The following SRGAP3 variants were observed in gnomAD, a reference collection of about 807,000 sequenced individuals.
The protein encoded by SRGAP3 is SLIT-ROBO Rho GTPase activating protein 3, also known as SLIT-ROBO Rho GTPase-activating protein 3.
In SRGAP3, 39 loss-of-function variants were observed where a neutral mutation model predicts 121.1. The ratio of observed to expected loss-of-function variants is 0.32; its 90% CI spans 0.25 to 0.42. The LOEUF (loss-of-function observed/expected upper bound fraction) is 0.42, where lower values mean the gene tolerates loss of function less well. SRGAP3 is among the 10% of genes least tolerant of loss of function. The probability of loss-of-function intolerance (pLI) is 1.00; values close to 1 mark genes in which losing one functional copy is unlikely to be tolerated. For missense variants in SRGAP3, 1,213 were observed against 1,470.6 expected (o/e 0.82, Z 2.86); for synonymous variants, 601 against 570.0 (o/e 1.05, Z -0.77).
chr3:8,981,398 G>C lies in SRGAP3; in HGVS notation c.*4121C>G. Reference sequence around the variant, plus strand: ...TTGTGAGCCAGCCACTCTTCTTTCTGGGTTTCTCAGGAGAGTGAGGCATTT... The same window carrying C: ...TTGTGAGCCAGCCACTCTTCTTTCTCGGTTTCTCAGGAGAGTGAGGCATTT... On this transcript the variant is annotated 3_prime_UTR_variant, in exon 22 of 22. Coordinates refer to ENST00000383836, the MANE Select transcript of SRGAP3 (RefSeq NM_014850.4). 1 of 232,770 alleles carries C rather than the reference G, an allele frequency of 4.3e-6. No homozygotes were observed. 14.4% of individuals were successfully genotyped at this position (232,770 alleles called of 1,614,324 possible).
At chr3:9,189,752 A>G (rs1156958716) in intron 1 of SRGAP3, among the ~76,000 whole-genome samples, 6 of 152,180 alleles carry the variant, frequency 3.9e-5, no homozygotes, top group Admixed American at 6.5e-5. Flanking sequence ...GTCATTCCTG[A>G]TTGAGTCCAC....
At chr3:9,136,663 T>A (rs1225798803) in intron 1 of SRGAP3, among the ~76,000 whole-genome samples, 1 of 152,156 alleles carries the variant, frequency 6.6e-6, no homozygotes, top group African/African-American at 2.4e-5. Flanking sequence ...GCAGTGGGTG[T>A]CCCGCCCTTT....
chr3:9,030,490 T>C (rs750448416), intron 12 of SRGAP3, among the ~76,000 whole-genome samples: 5 of 152,236 alleles, frequency 3.3e-5, no homozygotes, highest in Non-Finnish European at 7.3e-5. Context: ...GTAAAGGCCA[T>C]GCTCCAGGCT....
intron 14 of SRGAP3, among the ~76,000 whole-genome samples, chr3:9,018,590 A>G (rs916040780): frequency 6.6e-6 from 1 of 152,152 alleles, no homozygotes; most frequent in African/African-American, 2.4e-5. Context: ...ATTTGCATGA[A>G]ATGTATACTT....
chr3:9,319,467 G>C (rs1955405377), intron 3 of SRGAP3, among the ~76,000 whole-genome samples: 1 of 151,878 alleles, frequency 6.6e-6, no homozygotes, highest in South Asian at 2.1e-4. Flanking sequence ...ATGACAGCAA[G>C]GGCCAGAATG....
At chr3:8,996,993 G>C (rs534095606) in intron 18 of SRGAP3, among the ~76,000 whole-genome samples, 16 of 152,214 alleles carry the variant, frequency 1.1e-4, no homozygotes, top group Non-Finnish European at 1.8e-4. Flanking sequence ...TGGGGCAGCA[G>C]GGGGAGCAGA....
chr3:9,211,559 C>G (rs755003482), intron 1 of SRGAP3, among the ~76,000 whole-genome samples: 7 of 152,086 alleles, frequency 4.6e-5, no homozygotes, highest in Non-Finnish European at 1.0e-4. Flanking sequence ...ATAAAATAAT[C>G]TGATTACTCA....
At chr3:9,273,375 A>T (rs1033923613) in intron 3 of SRGAP3, among the ~76,000 whole-genome samples, 1 of 152,114 alleles carries the variant, frequency 6.6e-6, no homozygotes, top group Non-Finnish European at 1.5e-5. Flanking sequence ...TCATGTGCTT[A>T]TTGGACATTT....
At chr3:9,243,272 G>A (rs1238265734) in intron 1 of SRGAP3, among the ~76,000 whole-genome samples, 1 of 152,112 alleles carries the variant, frequency 6.6e-6, no homozygotes. Context: ...TGGGAGGCAG[G>A]GGGTAAGGAG....
intron 1 of SRGAP3, among the ~76,000 whole-genome samples, chr3:9,160,366 T>C (rs1950566136): frequency 6.6e-6 from 1 of 152,220 alleles, no homozygotes; most frequent in Admixed American, 6.5e-5. Context: ...CAAGGCATTG[T>C]GGACTCCTCC....
At chr3:9,356,198 T>C (rs929491321) in intron 1 of SRGAP3, among the ~76,000 whole-genome samples, 11 of 143,130 alleles carry the variant, frequency 7.7e-5, no homozygotes, top group East Asian at 3.9e-4. Context: ...TTTTCTTTTT[T>C]TTTTTTTTTT....
intron 1 of SRGAP3, among the ~76,000 whole-genome samples, chr3:9,244,483 A>G (rs964100301): frequency 6.6e-5 from 10 of 152,016 alleles, no homozygotes; most frequent in African/African-American, 2.4e-4. Flanking sequence ...TTCTATTTCA[A>G]TTTTCTATCA....
Position 9,232,727 on chromosome 3 carries a change from G to A in SRGAP3, c.67+16158C>T, listed in dbSNP as rs373018754. Among the ~76,000 whole-genome samples, 3 of 152,096 alleles carry A rather than the reference G, an allele frequency of 2.0e-5. No individual in the cohort carries two copies. In the South Asian group the frequency reaches 6.2e-4, roughly 32 times the overall value. On this transcript the variant is annotated intron_variant, in intron 1 of 21. Transcript: ENST00000383836. ...CACTTGTAAAATGCAGATTCCCAGG[G>A]TCCACCCACTGCCCCCCAACAGAGA...
chr3:9,330,853 G>C (rs1370077985), intron 1 of SRGAP3, among the ~76,000 whole-genome samples: 1 of 152,212 alleles, frequency 6.6e-6, no homozygotes, highest in Non-Finnish European at 1.5e-5. Context: ...AGCAGTCAAT[G>C]AGTGGTTAAA....
chr3:9,184,511 C>A (rs748495074), intron 1 of SRGAP3, among the ~76,000 whole-genome samples: 1 of 152,146 alleles, frequency 6.6e-6, no homozygotes, highest in Non-Finnish European at 1.5e-5. Flanking sequence ...TGGAATCAAC[C>A]ATCCACGTAA....
intron 3 of SRGAP3, among the ~76,000 whole-genome samples, chr3:9,304,790 C>A (rs1955129579): frequency 6.6e-6 from 1 of 152,152 alleles, no homozygotes; most frequent in Non-Finnish European, 1.5e-5. Context: ...TTTTGAGTCC[C>A]TTATTCCTGA....
chr3:9,012,485 T>C (rs1353148791), intron 17 of SRGAP3, among the ~76,000 whole-genome samples: 3 of 152,244 alleles, frequency 2.0e-5, no homozygotes, highest in Non-Finnish European at 4.4e-5. Flanking sequence ...TTTAAAGCCC[T>C]GACTTTGAAA....
At chr3:9,253,119 G>T (rs1325620413), upstream of SRGAP3, among the ~76,000 whole-genome samples, 1 of 152,100 alleles carries the variant, frequency 6.6e-6, no homozygotes, top group East Asian at 1.9e-4. Flanking sequence ...TCCTTGTTTT[G>T]AAGTTGGGTA....
At chr3:9,049,061 C>A (rs1945427391) in intron 9 of SRGAP3, among the ~76,000 whole-genome samples, 1 of 152,112 alleles carries the variant, frequency 6.6e-6, no homozygotes, top group South Asian at 2.1e-4. Context: ...CAAAGAGAAA[C>A]CCACTCTATT....
Sources: allele counts gnomAD v4.1 joint callset (sites outside exome capture counted in the v4.1 genomes callset), GRCh38; gene constraint gnomAD v4.1.1; transcripts MANE v1.5; gene names NCBI Gene and HGNC (gene_info 2026-07-23, HGNC 2026-07-21).